TSHR: variants seen among roughly 807,000 people sequenced by gnomAD.
TSHR encodes thyroid stimulating hormone receptor.
Under a neutral mutation model 64.1 loss-of-function variants are expected in TSHR, and 51 were observed. That is an observed-to-expected ratio of 0.80 (90% CI 0.64 to 1.01). The LOEUF is 1.01. Among genes scored for constraint, TSHR ranks in the 50% least tolerant of loss-of-function variants. The pLI, the probability that TSHR is intolerant of heterozygous loss-of-function variation, is 0.00. For missense variants in TSHR, 877 were observed against 942.8 expected, an observed-to-expected ratio of 0.93 and a Z score of 0.91; for synonymous variants, 361 against 361.9, an observed-to-expected ratio of 1.00 and a Z score of 0.03.
At chr14:80,969,546 C>A (rs748510439) in intron 1 of TSHR, among the ~76,000 whole-genome samples, 1 of 152,168 alleles carries the variant, frequency 6.6e-6, no homozygotes, top group Non-Finnish European at 1.5e-5. Context: ...ACCAAGGGTG[C>A]AGCAATGGGC....
chr14:81,035,090 G>A (rs1034999152), intron 1 of TSHR, among the ~76,000 whole-genome samples: 12 of 152,144 alleles, frequency 7.9e-5, no homozygotes, highest in African/African-American at 2.9e-4. Flanking sequence ...TGAATGAAAG[G>A]TTGGAATCTC....
chr14:80,965,061 G>A (rs1439391556), intron 1 of TSHR, among the ~76,000 whole-genome samples: 3 of 152,230 alleles, frequency 2.0e-5, no homozygotes, highest in Admixed American at 6.5e-5. Context: ...AGTGAGCAAA[G>A]GCAGCCCCTG....
intron 7 of TSHR, among the ~76,000 whole-genome samples, chr14:81,106,415 T>C (rs747821190): frequency 2.6e-5 from 4 of 152,234 alleles, no homozygotes; most frequent in Non-Finnish European, 4.4e-5. Context: ...AAAAGTATGT[T>C]GATTTATTTT....
At chr14:81,108,928 T>C in intron 8 of TSHR, 1 of 1,388,820 alleles carries the variant, frequency 7.2e-7, no homozygotes, top group Non-Finnish European at 9.3e-7. Flanking sequence ...ATAAAAACAT[T>C]TTTTAAACAG....
intron 1 of TSHR, chr14:80,992,638 A>G (rs1053232548): frequency 2.0e-5 from 3 of 152,192 alleles, no homozygotes; most frequent in African/African-American, 7.2e-5. Context: ...TGCTTAACAA[A>G]TGCTTGCTGA....
At chr14:80,995,004 A>G (rs7145701) in intron 1 of TSHR, 129,722 of 152,186 alleles carry the variant, frequency 0.85, 56,041 homozygotes, top group East Asian at 1. Flanking sequence ...TCTGACAAAG[A>G]TCTAATATCC....
At chr14:81,042,578 T>TA (rs199612558) in intron 1 of TSHR, among the ~76,000 whole-genome samples, 2,589 of 152,206 alleles carry the variant, frequency 0.017, 49 homozygotes, top group South Asian at 0.052. Context: ...ATGTGAAATC[T>TA]AAAAAAGTTG....
intron 7 of TSHR, among the ~76,000 whole-genome samples, chr14:81,102,309 A>G (rs1254909521): frequency 6.6e-6 from 1 of 152,208 alleles, no homozygotes; most frequent in Admixed American, 6.5e-5. Context: ...TGGGAGGCTT[A>G]GCTGACGGCA....
chr14:81,058,309 C>G (rs1321608904), intron 1 of TSHR, among the ~76,000 whole-genome samples: 1 of 152,184 alleles, frequency 6.6e-6, no homozygotes, highest in African/African-American at 2.4e-5. Flanking sequence ...TTTGTCATAC[C>G]TCCAATGGTC....
At chr14:80,969,913 G>A (rs1234455028) in intron 1 of TSHR, among the ~76,000 whole-genome samples, 1 of 152,174 alleles carries the variant, frequency 6.6e-6, no homozygotes, top group African/African-American at 2.4e-5. Context: ...GGTCAACCAG[G>A]TAAATTACTT....
At chr14:80,994,118 TAATG>T (rs1285507708) in intron 1 of TSHR, 1 of 152,174 alleles carries the variant, frequency 6.6e-6, no homozygotes, top group Non-Finnish European at 1.5e-5. Context: ...CACTTCCACT[TAATG>T]AATAGTAAAT....
At chr14:81,080,719 T>C (rs916576187) in intron 3 of TSHR, among the ~76,000 whole-genome samples, 1 of 152,206 alleles carries the variant, frequency 6.6e-6, no homozygotes, top group African/African-American at 2.4e-5. Flanking sequence ...ACTTCTCTCA[T>C]TGAAAATCCT....
intron 7 of TSHR, chr14:81,105,250 G>A: frequency 1.0e-6 from 1 of 984,798 alleles, no homozygotes; most frequent in Non-Finnish European, 1.2e-6. Flanking sequence ...CCCAGGAAAT[G>A]TCATGTGATA....
At chr14:81,131,418 T>C (rs1036536633) in intron 8 of TSHR, among the ~76,000 whole-genome samples, 17 of 152,196 alleles carry the variant, frequency 1.1e-4, no homozygotes, top group Admixed American at 1.0e-3. Flanking sequence ...ATAAGTCAGA[T>C]TATACCATTC....
At chr14:81,129,526 C>A (rs1891151882) in intron 8 of TSHR, among the ~76,000 whole-genome samples, 1 of 152,184 alleles carries the variant, frequency 6.6e-6, no homozygotes, top group Admixed American at 6.5e-5. Flanking sequence ...TCATTCACCC[C>A]AAGCAGGCTC....
chr14:80,978,496 C>T (rs74064781), intron 1 of TSHR, among the ~76,000 whole-genome samples: 9,666 of 152,272 alleles, frequency 0.063, 800 homozygotes, highest in African/African-American at 0.2. Context: ...ACAGAGCTGA[C>T]AAAATCTTGG....
intron 8 of TSHR, among the ~76,000 whole-genome samples, chr14:81,121,833 T>C (rs1045967879): frequency 3.3e-5 from 5 of 151,038 alleles, no homozygotes; most frequent in Non-Finnish European, 7.4e-5. Flanking sequence ...TCCCAGCTAC[T>C]TGGGAGGCTG....
chr14:81,107,434 T>C (rs564655713), intron 7 of TSHR, among the ~76,000 whole-genome samples: 1 of 152,308 alleles, frequency 6.6e-6, no homozygotes, highest in South Asian at 2.1e-4. Flanking sequence ...CAAGGATATA[T>C]ATATGTGCTA....
In TSHR at chr14:81,103,183, T is replaced by A; in HGVS notation, c.615-5192T>A. 1 of 985,430 alleles carries A rather than the reference T, an allele frequency of 1.0e-6. No individual in the cohort carries two copies. Among genetic ancestry groups the A allele is most frequent in the Non-Finnish European group, 1.2e-6 (1 of 829,920 alleles). The allele number at this position is 985,430 out of a possible 1,614,324, so 61.0% of individuals were successfully genotyped here. On this transcript the variant is annotated intron_variant, in intron 7 of 9. Transcript: ENST00000298171. This position sits in a 1 kb window ranked among gnomAD's most constrained non-coding sequence, Gnocchi z 4.1. ...AAGAAAGGTCAAGGTTCCATGGTAA[T>A]AATAAAATAGTATTCACATTGTGTT...
Sources: allele counts gnomAD v4.1 joint callset (sites outside exome capture counted in the v4.1 genomes callset), GRCh38; gene constraint gnomAD v4.1.1; non-coding constraint Gnocchi (gnomAD v3.1); transcripts MANE v1.5; gene names NCBI Gene and HGNC (gene_info 2026-07-23, HGNC 2026-07-21).